SMARCAD1: variants seen among roughly 807,000 people sequenced by gnomAD.
SMARCAD1 encodes the protein SWI/SNF-related matrix-associated actin-dependent regulator of chromatin subfamily A containing DEAD/H box 1.
A neutral mutation model predicts 127.1 loss-of-function variants in SMARCAD1; 25 were observed. That is an observed-to-expected ratio of 0.20 (90% CI 0.14 to 0.27). SMARCAD1 has a LOEUF of 0.27. Among genes scored for constraint, SMARCAD1 ranks in the 10% least tolerant of loss-of-function variants. The pLI is 1.00. For synonymous variants in SMARCAD1, 400 were observed against 396.9 expected, an observed-to-expected ratio of 1.01 and a Z score of -0.09; for missense variants, 807 against 1,206.0, an observed-to-expected ratio of 0.67 and a Z score of 4.90.
chr4:94,229,018 G>A (rs988095836), intron 3 of SMARCAD1, among the ~76,000 whole-genome samples: 2 of 152,014 alleles, frequency 1.3e-5, no homozygotes, highest in African/African-American at 4.8e-5. Flanking sequence ...CGTCCTCAGT[G>A]TGTCATATCA....
In SMARCAD1 at chr4:94,226,865, T is replaced by C. The variant is rs182162526; in HGVS notation, c.368+569T>C. ...GAGTTAGGGTCAGGGAATCGTTTCT[T>C]TTTTTTTTTCTTGTTTTTTCTAGAG... On this transcript the variant is annotated intron_variant, in intron 3 of 23. Coordinates refer to ENST00000354268, the MANE Select transcript of SMARCAD1 (RefSeq NM_020159.5). Among the ~76,000 whole-genome samples the C allele has an allele frequency of 3.6e-3, 540 of 150,136 alleles. 3 individuals are homozygous for C. The Middle Eastern group carries it at 0.056, about 15-fold the overall frequency.
chr4:94,257,799 T>C (rs1750339167), intron 9 of SMARCAD1, among the ~76,000 whole-genome samples: 2 of 152,184 alleles, frequency 1.3e-5, no homozygotes, highest in Non-Finnish European at 2.9e-5. Flanking sequence ...TTATGTAATA[T>C]AGTTATAATG....
chr4:94,236,678 C>G (rs777296744), intron 4 of SMARCAD1, among the ~76,000 whole-genome samples: 7 of 152,020 alleles, frequency 4.6e-5, no homozygotes, highest in Non-Finnish European at 1.0e-4. Context: ...TAGCAAAAAC[C>G]TAGAAAATAC....
chr4:94,226,407 T>TC (rs1392353535), intron 3 of SMARCAD1, 111 bp downstream of exon 3: 6 of 858,164 alleles, frequency 7.0e-6, no homozygotes, highest in South Asian at 3.3e-5. Flanking sequence ...TTTTTCTTTT[T>TC]TTTTTTTGCC....
At chr4:94,264,498 T>G in intron 9 of SMARCAD1, 3 of 455,700 alleles carry the variant, frequency 6.6e-6, no homozygotes, top group East Asian at 3.5e-5. Context: ...TTTAACATAA[T>G]GAGTTTGATG....
chr4:94,241,141 A>G (rs192227194), intron 6 of SMARCAD1, 135 bp downstream of exon 6: 42 of 662,626 alleles, frequency 6.3e-5, no homozygotes, highest in African/African-American at 9.1e-5. Context: ...ATTTACGTCT[A>G]CATTTAATTT....
chr4:94,223,472 G>A (rs944985926), intron 2 of SMARCAD1, among the ~76,000 whole-genome samples: 1 of 152,034 alleles, frequency 6.6e-6, no homozygotes, highest in Non-Finnish European at 1.5e-5. Flanking sequence ...TAGCCTGGGC[G>A]ACAGAGCGAG....
intron 11 of SMARCAD1, among the ~76,000 whole-genome samples, chr4:94,271,021 C>A (rs765933881): frequency 9.9e-5 from 15 of 152,094 alleles, no homozygotes; most frequent in African/African-American, 3.6e-4. Context: ...GATTTATTGT[C>A]TTTCTGATTA....
rs1560568330 is a variant in SMARCAD1 at position 94,281,563 on chromosome 4, T to G, written c.2699T>G (p.Leu900Ter). 6.2e-7 allele frequency: 1 copy of G among 1,610,242 alleles called. No individual in the cohort carries two copies. The highest frequency in any genetic ancestry group is 8.5e-7 in the Non-Finnish European group (1 of 1,176,844). ...CATCATCAGCATAGGTACCTCAGAT[T>G]AGATGGAAAGACTCAGATTTCTGAA... ...LKHHQHRYLR[L>*]DGKTQISERI... Residue 900 changes from leucine (L) to a stop codon, truncating the protein, a stop_gained, in exon 21 of 24, where the codon TTA (leucine) becomes TGA (stop). Transcript: ENST00000354268. LOFTEE classifies it high-confidence loss of function.
intron 5 of SMARCAD1, among the ~76,000 whole-genome samples, chr4:94,240,185 A>G (rs192687813): frequency 6.6e-6 from 1 of 152,282 alleles, no homozygotes; most frequent in East Asian, 1.9e-4. Flanking sequence ...GCACAGCAAT[A>G]TGTCTGACAA....
intron 11 of SMARCAD1, among the ~76,000 whole-genome samples, chr4:94,272,700 A>T (rs1190833800): frequency 6.6e-6 from 1 of 152,000 alleles, no homozygotes; most frequent in East Asian, 1.9e-4. Context: ...TTGTTTTTTT[A>T]AATTGCCATG....
intron 3 of SMARCAD1, among the ~76,000 whole-genome samples, chr4:94,232,335 C>G (rs1377365770): frequency 2.0e-5 from 3 of 152,078 alleles, no homozygotes; most frequent in Non-Finnish European, 4.4e-5. Flanking sequence ...AAGGTTGTGA[C>G]CACCAGAAGA....
intron 10 of SMARCAD1, among the ~76,000 whole-genome samples, chr4:94,267,610 T>C (rs563194548): frequency 3.3e-5 from 5 of 152,298 alleles, no homozygotes; most frequent in South Asian, 4.1e-4. Context: ...ATAGTAACTC[T>C]GGAGGGAATT....
chr4:94,282,546 A>T (rs1383005746), intron 21 of SMARCAD1, among the ~76,000 whole-genome samples: 1 of 152,104 alleles, frequency 6.6e-6, no homozygotes. Flanking sequence ...TAATTCCCAA[A>T]GGTTGTAAAG....
At position 94,270,743 on chromosome 4, in the gene SMARCAD1, C is replaced by A; in HGVS notation, c.1497C>A (p.Pro499=). 1 of 1,613,328 alleles carries A rather than the reference C, an allele frequency of 6.2e-7. No individual in the cohort carries two copies. ...SILNQSLSLK[P]YQKVGLNWLA... ...TCTTTACCAGTTTGTCACTCAAGCC[C>A]TATCAGAAGGTTGGTTTGAATTGGC... Residue 499 remains proline (P), a synonymous_variant, in exon 11 of 24, where the codon CCC becomes CCA. Transcript: ENST00000354268.
intron 6 of SMARCAD1, among the ~76,000 whole-genome samples, chr4:94,244,760 A>G (rs1748151839): frequency 6.6e-6 from 1 of 152,044 alleles, no homozygotes; most frequent in Non-Finnish European, 1.5e-5. Context: ...AACATTAAAA[A>G]AAAAAAAAAA....
chr4:94,258,566 T>G (rs1215799172), intron 9 of SMARCAD1, among the ~76,000 whole-genome samples: 2 of 152,204 alleles, frequency 1.3e-5, no homozygotes, highest in Admixed American at 1.3e-4. Context: ...GAGAATCCTT[T>G]TGTCTCTCTC....
At chr4:94,254,474 T>A (rs2125921868) in intron 9 of SMARCAD1, among the ~76,000 whole-genome samples, 1 of 152,240 alleles carries the variant, frequency 6.6e-6, no homozygotes, top group South Asian at 2.1e-4. Flanking sequence ...ATTATACAAT[T>A]TTACCAGAGG....
intron 2 of SMARCAD1, among the ~76,000 whole-genome samples, chr4:94,216,824 C>A (rs1362425990): frequency 6.6e-6 from 1 of 152,178 alleles, no homozygotes; most frequent in Non-Finnish European, 1.5e-5. Context: ...TTTATCCATT[C>A]ATCCATCAAT....
Sources: allele counts gnomAD v4.1 joint callset (sites outside exome capture counted in the v4.1 genomes callset), GRCh38; gene constraint gnomAD v4.1.1; transcripts MANE v1.5; gene names NCBI Gene and HGNC (gene_info 2026-07-23, HGNC 2026-07-21).